SLC27A3: variants seen among roughly 807,000 people sequenced by gnomAD.
The protein encoded by SLC27A3 is solute carrier family 27 member 3, also known as long-chain fatty acid transport protein 3.
SLC27A3 carries 60 observed loss-of-function variants against 60.1 expected under a neutral mutation model. That is an observed-to-expected ratio of 1.00 (90% CI 0.81 to 1.24). The LOEUF is 1.24. SLC27A3 is among the 50% of genes most tolerant of loss of function. The probability of loss-of-function intolerance (pLI) is 0.00; values close to 1 mark genes in which losing one functional copy is unlikely to be tolerated. For synonymous variants in SLC27A3, 455 were observed against 409.0 expected, an observed-to-expected ratio of 1.11 and a Z score of -1.36; for missense variants, 1,079 against 929.9, an observed-to-expected ratio of 1.16 and a Z score of -2.09.
At chr1:153,779,536 C>T (rs994893017) in intron 9 of SLC27A3, 63 bp downstream of exon 9, 26 of 1,555,020 alleles carry the variant, frequency 1.7e-5, no homozygotes, top group African/African-American at 8.1e-5. Flanking sequence ...ATATCCACCC[C>T]GTGTATCAAC....
rs144302187 is a variant in SLC27A3, at chr1:153,779,141, C to T, written c.1674C>T (p.Thr558=). 411 of 1,614,138 alleles carry T rather than the reference C, an allele frequency of 2.5e-4. 1 individual carries two copies. The highest frequency in any genetic ancestry group is 9.9e-4 in the Middle Eastern group (6 of 6,062). The change falls in exon 8 of 10, where the codon ACC becomes ACT. Residue 558 remains threonine, a synonymous_variant. Coordinates refer to ENST00000624995, the MANE Select transcript of SLC27A3 (RefSeq NM_024330.4). ...GGAAGGGGGAGAATGTGGCCACAAC[C>T]GAGGTGGCAGAGGTCTTCGAGGCCC... The part of the protein sequence containing the change: ...FRWKGENVAT[T]EVAEVFEALD...
intron 7 of SLC27A3, 34 bp from the exon 8 acceptor site, chr1:153,779,080 T>C (rs1222142797): frequency 6.2e-7 from 1 of 1,608,396 alleles, no homozygotes; most frequent in Non-Finnish European, 8.5e-7. Context: ...CCCTGACCCC[T>C]GACTCCCAGT....
Position 153,780,020 on chromosome 1 carries a change from G to A in SLC27A3, c.*18G>A, listed in dbSNP as rs199680176. On this transcript the variant is annotated 3_prime_UTR_variant, in exon 10 of 10. Transcript: ENST00000624995. ...GAATCTGAGAACTTCCACACCTGAGGCACCTGAGAGAGGAACTCTGTGGGG... is the reference window on the plus strand; with the variant it reads ...GAATCTGAGAACTTCCACACCTGAGACACCTGAGAGAGGAACTCTGTGGGG... 2 of 1,600,084 alleles carry A rather than the reference G, an allele frequency of 1.2e-6. No homozygotes were observed. Among genetic ancestry groups the A allele is most frequent in the Non-Finnish European group, 1.7e-6 (2 of 1,172,500 alleles).
intron 2 of SLC27A3, 129 bp downstream of exon 2, chr1:153,776,856 A>T: frequency 1.0e-6 from 1 of 966,584 alleles, no homozygotes; most frequent in Middle Eastern, 2.6e-4. Context: ...TTTTCTCCCC[A>T]TCATTTCACT....
At position 153,777,052 on chromosome 1, in the gene SLC27A3, C is replaced by T. The variant is rs768612917; in HGVS notation, c.878-10C>T. On this transcript the variant is annotated splice_polypyrimidine_tract_variant and intron_variant, in intron 2 of 9. Coordinates refer to ENST00000624995, the MANE Select transcript of SLC27A3 (RefSeq NM_024330.4). ...CTTCCCCTGATCGTCCCATAACTGCCACCCCACAGGCCTCCCCAAGGCTGC... is the reference window on the plus strand; with the variant it reads ...CTTCCCCTGATCGTCCCATAACTGCTACCCCACAGGCCTCCCCAAGGCTGC... 6.2e-6 allele frequency: 10 copies of T among 1,613,808 alleles called. No individual in the cohort carries two copies. In the East Asian group the frequency reaches 8.9e-5, roughly 14 times the overall value.
chr1:153,777,980 G>A (rs1283466821), intron 4 of SLC27A3, 95 bp downstream of exon 4: 3 of 1,561,084 alleles, frequency 1.9e-6, no homozygotes, highest in Non-Finnish European at 2.6e-6. Flanking sequence ...GGAGGGAGAA[G>A]CAGCAAGAAG....
In SLC27A3 at chr1:153,777,761, G is replaced by C; in HGVS notation, c.1037G>C (p.Gly346Ala). The stretch of plus-strand genomic sequence containing the variant: ...CTTCCCCCCTGCCCACTTCTGGCAG[G>C]GGCCACAGTGGTGCTGAAATCCAAG... ...LLGIVGCMGI[G>A]ATVVLKSKFS... Residue 346 changes from glycine to alanine, a missense_variant and splice_region_variant, in exon 4 of 10, where the codon GGG becomes GCG. By Grantham distance (60) the Gly-to-Ala change is moderately conservative. Transcript: ENST00000624995. 6.2e-7 allele frequency: 1 copy of C among 1,614,092 alleles called. No individual in the cohort carries two copies. The highest frequency in any genetic ancestry group is 8.5e-7 in the Non-Finnish European group (1 of 1,179,996).
chr1:153,777,573 T>G (rs1310132349), intron 3 of SLC27A3, 188 bp from the exon 4 acceptor site: 6 of 727,582 alleles, frequency 8.2e-6, no homozygotes, highest in Non-Finnish European at 1.4e-5. Flanking sequence ...TCACCTCTTC[T>G]AAGGCTGGGG....
rs1673150901 is a variant in SLC27A3, at chr1:153,775,593, C to G, written c.96C>G (p.Asp32Glu). ...LWPQLRWLPA[D>E]LAFAVRALCC... ...CGCAGTTGCGCTGGCTTCCGGCGGA[C>G]TTGGCCTTTGCGGTGCGAGCTCTGT... Residue 32 changes from aspartate (D) to glutamate (E), a missense_variant, in exon 1 of 10, where the codon GAC (aspartate) becomes GAG (glutamate). Asp to Glu is a conservative substitution (Grantham distance 45). Transcript: ENST00000624995. The G allele has an allele frequency of 1.2e-6, 2 of 1,602,802 alleles. No individual in the cohort carries two copies. The highest frequency in any genetic ancestry group is 1.7e-6 in the Non-Finnish European group (2 of 1,177,046).
Position 153,778,508 on chromosome 1 carries a change from G to A in SLC27A3, c.1402G>A (p.Glu468Lys). The change falls in exon 6 of 10, where the codon GAG becomes AAG. Residue 468 changes from glutamate (E) to lysine (K), a missense_variant. Coordinates refer to ENST00000624995, the MANE Select transcript of SLC27A3 (RefSeq NM_024330.4). Reference sequence around the variant, plus strand: ...GATTCGCTATGATGTCACCACAGGAGAGCCAATTCGGGACCCCCAGGGGCA... The same window carrying A: ...GATTCGCTATGATGTCACCACAGGAAAGCCAATTCGGGACCCCCAGGGGCA... ...SLIRYDVTTG[E>K]PIRDPQGHCM... 1 of 1,614,220 alleles carries A rather than the reference G, an allele frequency of 6.2e-7. No homozygotes were observed. The highest frequency in any genetic ancestry group is 8.5e-7 in the Non-Finnish European group (1 of 1,180,044).
At position 153,777,418 on chromosome 1, in the gene SLC27A3, C is replaced by G. The variant is rs1293826038; in HGVS notation, c.1036+198C>G. Reference sequence around the variant, plus strand: ...GGAACGGTGAGGGGGGCCATACAGCCACATAACTCCAGGCTGCAGGGTCAA... The same window carrying G: ...GGAACGGTGAGGGGGGCCATACAGCGACATAACTCCAGGCTGCAGGGTCAA... On this transcript the variant is annotated intron_variant, in intron 3 of 9. Coordinates refer to ENST00000624995, the MANE Select transcript of SLC27A3 (RefSeq NM_024330.4). 1.5e-5 allele frequency: 10 copies of G among 673,310 alleles called. No homozygotes were observed. The East Asian group carries it at 2.7e-4, about 18-fold the overall frequency. The allele number at this position is 673,310 out of a possible 1,614,324, so 41.7% of individuals were successfully genotyped here.
In SLC27A3 at chr1:153,778,295, G is replaced by A. The variant is rs745744235; in HGVS notation, c.1296G>A (p.Val432=). 3.1e-6 allele frequency: 5 copies of A among 1,614,074 alleles called. No homozygotes were observed. In the Admixed American group the frequency reaches 8.3e-5, roughly 27 times the overall value. Residue 432 remains valine, a synonymous_variant, in exon 5 of 10, where the codon GTG becomes GTA. Coordinates refer to ENST00000624995, the MANE Select transcript of SLC27A3 (RefSeq NM_024330.4). ...LETYGLTEGN[V]ATINYTGQRG... The stretch of plus-strand genomic sequence containing the variant: ...CATATGGACTGACAGAGGGCAACGT[G>A]GCCACCATCAACTACACAGGACAGC...
rs758363213 is a variant in SLC27A3 at position 153,778,368 on chromosome 1, G to A, written c.1356+13G>A. The A allele has an allele frequency of 8.7e-6, 14 of 1,613,834 alleles. No individual in the cohort carries two copies. In the Middle Eastern group the frequency reaches 9.9e-4, roughly 114 times the overall value. On this transcript the variant is annotated intron_variant, in intron 5 of 9. Transcript: ENST00000624995. ...CTGGCTTTACAAGGTGAGGGGCAGA[G>A]AGGAAACTGAAAACCCGTGGAACAG...
rs770847119 is a variant in SLC27A3 at position 153,776,616 on chromosome 1, G to A, written c.766G>A (p.Asp256Asn). The part of the protein sequence containing the change: ...GPGTHPAGIS[D>N]LLAEVSAEVD... The stretch of plus-strand genomic sequence containing the variant: ...AGGAACCCACCCTGCTGGAATTAGC[G>A]ATTTGCTGGCTGAAGTGTCCGCTGA... Residue 256 changes from aspartate to asparagine, a missense_variant, in exon 2 of 10, where the codon GAT (aspartate) becomes AAT (asparagine). Transcript: ENST00000624995. 1.1e-5 allele frequency: 17 copies of A among 1,614,090 alleles called. No homozygotes were observed. Among genetic ancestry groups the A allele is most frequent in the East Asian group, 4.5e-5 (2 of 44,886 alleles).
In SLC27A3 at chr1:153,775,721, C is replaced by G. The variant is rs558884802; in HGVS notation, c.224C>G (p.Ala75Gly). The change falls in exon 1 of 10, where the codon GCC (alanine) becomes GGC (glycine). Residue 75 changes from alanine (A) to glycine (G), a missense_variant. Physicochemically the swap from Ala to Gly is moderately conservative, Grantham distance 60. Coordinates refer to ENST00000624995, the MANE Select transcript of SLC27A3 (RefSeq NM_024330.4). ...CTGGCCTGGCGCCTCGCGGAACTGG[C>G]CCAGCAGCGCGCCGCGCACACCTTT... ...CSLAWRLAELAQQRAAHTFLI... is the reference protein window; with the variant it reads ...CSLAWRLAELGQQRAAHTFLI... 1 of 1,520,604 alleles carries G rather than the reference C, an allele frequency of 6.6e-7. No homozygotes were observed. Among genetic ancestry groups the G allele is most frequent in the South Asian group, 1.3e-5 (1 of 76,534 alleles). The allele number at this position is 1,520,604 out of a possible 1,614,324, so 94.2% of individuals were successfully genotyped here. A position where few individuals can be genotyped will look rare whatever the true frequency, so the allele number is the denominator to read the frequency against.
rs181219575 is a variant in SLC27A3, at chr1:153,776,185, T to C, written c.667+21T>C. On this transcript the variant is annotated intron_variant, in intron 1 of 9. Transcript: ENST00000624995. ...GCCAGGTAAGGCTGGAGCTCCGAACTGACTAAGGCGGGGCCAGCCACAGAA... is the reference window on the plus strand; with the variant it reads ...GCCAGGTAAGGCTGGAGCTCCGAACCGACTAAGGCGGGGCCAGCCACAGAA... 107 of 1,408,216 alleles carry C rather than the reference T, an allele frequency of 7.6e-5. No homozygotes were observed. The African/African-American group carries it at 1.2e-3, about 15-fold the overall frequency. The allele number at this position is 1,408,216 out of a possible 1,614,324, so 87.2% of individuals were successfully genotyped here.
Position 153,778,237 on chromosome 1 carries a change from T to G in SLC27A3, c.1238T>G (p.Val413Gly), listed in dbSNP as rs755217881. The G allele has an allele frequency of 6.2e-7, 1 of 1,613,964 alleles. No individual in the cohort carries two copies. The highest frequency in any genetic ancestry group is 1.3e-5 in the African/African-American group (1 of 75,066). The change falls in exon 5 of 10, where the codon GTG (valine) becomes GGG (glycine). Residue 413 changes from valine to glycine, a missense_variant. Coordinates refer to ENST00000624995, the MANE Select transcript of SLC27A3 (RefSeq NM_024330.4). ...GLRPDTWERFVRRFGPLQVLE... is the reference protein window; with the variant it reads ...GLRPDTWERFGRRFGPLQVLE... ...CGCCCAGATACCTGGGAGCGTTTTGTGCGGCGCTTCGGGCCCCTGCAGGTG... is the reference window on the plus strand; with the variant it reads ...CGCCCAGATACCTGGGAGCGTTTTGGGCGGCGCTTCGGGCCCCTGCAGGTG...
intron 3 of SLC27A3, 159 bp downstream of exon 3, chr1:153,777,379 G>T (rs1219619684): frequency 3.5e-6 from 3 of 860,902 alleles, no homozygotes; most frequent in Non-Finnish European, 5.4e-6. Flanking sequence ...CACCTGCCTA[G>T]ACCTACAGAC....
intron 8 of SLC27A3, 27 bp downstream of exon 8, chr1:153,779,238 G>GC: frequency 6.2e-7 from 1 of 1,613,524 alleles, no homozygotes; most frequent in Non-Finnish European, 8.5e-7. Context: ...GGTGGGGGAG[G>GC]CACCCAGCCA....
Sources: allele counts gnomAD v4.1 joint callset, GRCh38; gene constraint gnomAD v4.1.1; transcripts MANE v1.5; gene names NCBI Gene and HGNC (gene_info 2026-07-23, HGNC 2026-07-21).